RARB: variants seen among roughly 807,000 people sequenced by gnomAD.
RARB encodes retinoic acid receptor beta.
RARB carries 17 observed loss-of-function variants against 51.9 expected under a neutral mutation model. The observed-to-expected ratio is 0.33, with a 90% CI of 0.22 to 0.49. The LOEUF is 0.49. RARB is among the 20% of genes least tolerant of loss of function. The pLI, the probability that RARB is intolerant of heterozygous loss-of-function variation, is 0.99. For synonymous variants in RARB, 215 were observed against 195.4 expected, an observed-to-expected ratio of 1.10 and a Z score of -0.84; for missense variants, 369 against 550.8, an observed-to-expected ratio of 0.67 and a Z score of 3.30.
At chr3:24,932,225 C>T (rs559514451) in intron 2 of RARB, among the ~76,000 whole-genome samples, 1 of 152,128 alleles carries the variant, frequency 6.6e-6, no homozygotes, top group South Asian at 2.1e-4. Flanking sequence ...ATAGGGCAAG[C>T]AGAGATAAAG....
rs115818764 is a variant in RARB, at chr3:25,224,996, C to T, written c.178+50421C>T. Among the ~76,000 whole-genome samples the T allele has an allele frequency of 6.9e-3, 1,055 of 152,156 alleles. 8 individuals carry two copies. The highest frequency in any genetic ancestry group is 0.023 in the African/African-American group (970 of 41,510). ...GCTTTAGATGTAGTCCTCTATAGTA[C>T]TCTAGATTTTATAAATTTTATAAAT... is the stretch of plus-strand genomic sequence containing the variant. On this transcript the variant is annotated intron_variant, in intron 5 of 11. Coordinates refer to the RARB transcript ENST00000383772.
chr3:25,331,518 G>T (rs942298366), intron 5 of RARB, among the ~76,000 whole-genome samples: 14 of 152,112 alleles, frequency 9.2e-5, no homozygotes, highest in Admixed American at 5.2e-4. Context: ...TGGGACACAT[G>T]TAAAGCAGTG....
intron 5 of RARB, among the ~76,000 whole-genome samples, chr3:25,349,787 A>T (rs1292103921): frequency 6.6e-6 from 1 of 152,204 alleles, no homozygotes; most frequent in Non-Finnish European, 1.5e-5. Context: ...TACCCCCAAC[A>T]TTCAGTGGCT....
chr3:25,103,686 C>T (rs1336454269), intron 3 of RARB, among the ~76,000 whole-genome samples: 2 of 152,206 alleles, frequency 1.3e-5, no homozygotes, highest in African/African-American at 4.8e-5. Flanking sequence ...GATGAAATAA[C>T]TTGCCCGGTG....
rs369079114 is a variant in RARB, at chr3:25,202,627, A to G, written c.178+28052A>G. Among the ~76,000 whole-genome samples, 117 of 152,246 alleles carry G rather than the reference A, an allele frequency of 7.7e-4. 3 individuals carry two copies. The South Asian group carries it at 0.024, about 31-fold the overall frequency. ...TTAAATGTGTCCCAGAGATTCTGGT[A>G]TGTTGTGTCTTTGTTCTCCTTGGTT... is the stretch of plus-strand genomic sequence containing the variant. On this transcript the variant is annotated intron_variant, in intron 5 of 11. Coordinates refer to the RARB transcript ENST00000383772.
chr3:24,952,928 A>G (rs571262570), intron 2 of RARB, among the ~76,000 whole-genome samples: 1 of 152,060 alleles, frequency 6.6e-6, no homozygotes, highest in East Asian at 1.9e-4. Context: ...CAGAAGCTGC[A>G]TAATTTCAGG....
chr3:25,323,737 A>C (rs1426863936), intron 5 of RARB, among the ~76,000 whole-genome samples: 3 of 152,214 alleles, frequency 2.0e-5, no homozygotes, highest in Non-Finnish European at 4.4e-5. Context: ...CACGAAGATG[A>C]AGAGCTGGAG....
intron 4 of RARB, among the ~76,000 whole-genome samples, chr3:25,158,101 A>C (rs7642261): frequency 0.066 from 10,028 of 152,248 alleles, 938 homozygotes; most frequent in African/African-American, 0.2. Context: ...CGACCCAAAC[A>C]CATAAGCAGC....
chr3:24,867,207 G>A (rs1702867030), intron 2 of RARB, among the ~76,000 whole-genome samples: 2 of 152,104 alleles, frequency 1.3e-5, no homozygotes, highest in Admixed American at 1.3e-4. Context: ...CCTTACAAAG[G>A]TGGTCTCTCA....
intron 5 of RARB, among the ~76,000 whole-genome samples, chr3:25,286,259 T>C (rs1220240191): frequency 6.6e-6 from 1 of 152,000 alleles, no homozygotes; most frequent in African/African-American, 2.4e-5. Context: ...CAGCTAATTT[T>C]TTGTATTTTG....
At chr3:25,086,943 C>A (rs1160299079) in intron 3 of RARB, among the ~76,000 whole-genome samples, 1 of 152,114 alleles carries the variant, frequency 6.6e-6, no homozygotes, top group Admixed American at 6.6e-5. Context: ...TTACTTAATT[C>A]TCTCCTGGAT....
chr3:25,208,065 C>T (rs114827698), intron 5 of RARB, among the ~76,000 whole-genome samples: 5,115 of 152,068 alleles, frequency 0.034, 113 homozygotes, highest in Middle Eastern at 0.095. Context: ...GTTAAGCAAC[C>T]GGATCTCATG....
chr3:25,484,623 TCA>T (rs1213693551), intron 2 of RARB, among the ~76,000 whole-genome samples: 1 of 152,170 alleles, frequency 6.6e-6, no homozygotes, highest in Admixed American at 6.5e-5. Context: ...AAATTCAATT[TCA>T]GTGTTTATAA....
intron 3 of RARB, among the ~76,000 whole-genome samples, chr3:25,535,458 T>C (rs1398029673): frequency 6.6e-6 from 1 of 151,172 alleles, no homozygotes; most frequent in African/African-American, 2.4e-5. Flanking sequence ...ATGTGCAGAA[T>C]GTGCAGGTTT....
chr3:24,958,896 A>G (rs1168305220), intron 2 of RARB, among the ~76,000 whole-genome samples: 5 of 152,172 alleles, frequency 3.3e-5, no homozygotes, highest in African/African-American at 1.2e-4. Flanking sequence ...GGGCCTCATG[A>G]CAGGAGTGCC....
intron 3 of RARB, among the ~76,000 whole-genome samples, chr3:25,073,286 C>T (rs569685476): frequency 1.3e-5 from 2 of 152,314 alleles, no homozygotes; most frequent in East Asian, 1.9e-4. Flanking sequence ...CCCACACTGA[C>T]CTTGCTGACA....
chr3:25,182,787 T>G (rs1373183407), intron 5 of RARB, among the ~76,000 whole-genome samples: 2 of 152,208 alleles, frequency 1.3e-5, no homozygotes, highest in African/African-American at 4.8e-5. Context: ...CCAGTACCTG[T>G]GAACATAGCC....
At chr3:25,350,307 G>A (rs919949429) in intron 5 of RARB, among the ~76,000 whole-genome samples, 13 of 152,072 alleles carry the variant, frequency 8.5e-5, no homozygotes, top group East Asian at 5.8e-4. Flanking sequence ...CTACTGTTTC[G>A]GAGCTCTTTG....
chr3:25,244,628 G>A (rs1359401085), intron 5 of RARB, among the ~76,000 whole-genome samples: 1 of 152,184 alleles, frequency 6.6e-6, no homozygotes, highest in Non-Finnish European at 1.5e-5. Flanking sequence ...GATTTTGAGT[G>A]AGTTTCTTAA....
Sources: allele counts gnomAD v4.1 joint callset (sites outside exome capture counted in the v4.1 genomes callset), GRCh38; gene constraint gnomAD v4.1.1; transcripts MANE v1.5; gene names NCBI Gene and HGNC (gene_info 2026-07-23, HGNC 2026-07-21).